Variants in CAMKMT observed in about 807,000 individuals in gnomAD.
CAMKMT encodes the protein calmodulin-lysine N-methyltransferase.
A neutral mutation model predicts 48.0 loss-of-function variants in CAMKMT; 53 were observed. The ratio of observed to expected loss-of-function variants is 1.10; its 90% CI spans 0.89 to 1.39. The LOEUF is 1.39. CAMKMT is among the 40% of genes most tolerant of loss of function. The pLI is 0.00. For missense variants in CAMKMT, 428 were observed against 402.7 expected, an observed-to-expected ratio of 1.06 and a Z score of -0.54; for synonymous variants, 165 against 152.3, an observed-to-expected ratio of 1.08 and a Z score of -0.61.
intron 3 of CAMKMT, among the ~76,000 whole-genome samples, chr2:44,567,052 G>C (rs1000129109): frequency 6.6e-5 from 10 of 152,114 alleles, no homozygotes; most frequent in African/African-American, 2.4e-4. Context: ...CAGTATTTCA[G>C]AAGCAAGTTC....
chr2:44,700,437 A>T (rs573768698), intron 3 of CAMKMT, among the ~76,000 whole-genome samples: 1 of 152,200 alleles, frequency 6.6e-6, no homozygotes, highest in Non-Finnish European at 1.5e-5. Context: ...TGCCTTCTCC[A>T]TAAGTGGAAT....
intron 3 of CAMKMT, among the ~76,000 whole-genome samples, chr2:44,492,443 T>C (rs1669554282): frequency 6.6e-6 from 1 of 152,160 alleles, no homozygotes; most frequent in African/African-American, 2.4e-5. Context: ...TCTCAAATAC[T>C]CTTATTTCCA....
chr2:44,440,705 A>C (rs1440507317), intron 3 of CAMKMT, among the ~76,000 whole-genome samples: 4 of 152,178 alleles, frequency 2.6e-5, no homozygotes, highest in Non-Finnish European at 1.5e-5. Context: ...TTTCTATCAG[A>C]AAGATGTATT....
At chr2:44,607,723 G>A (rs1284086595) in intron 3 of CAMKMT, among the ~76,000 whole-genome samples, 2 of 152,086 alleles carry the variant, frequency 1.3e-5, no homozygotes, top group African/African-American at 4.8e-5. Flanking sequence ...CTTTTTAAAT[G>A]AAGTCTGTAT....
intron 3 of CAMKMT, among the ~76,000 whole-genome samples, chr2:44,493,658 T>C (rs1395252546): frequency 6.6e-6 from 1 of 152,236 alleles, no homozygotes; most frequent in African/African-American, 2.4e-5. Context: ...CTTTTTGAAG[T>C]GTGACTAAAC....
chr2:44,590,221 G>A (rs1670177489), intron 3 of CAMKMT, among the ~76,000 whole-genome samples: 1 of 152,076 alleles, frequency 6.6e-6, no homozygotes, highest in East Asian at 1.9e-4. Context: ...TTGGTCTGTA[G>A]TCTTCTCTTT....
chr2:44,632,913 T>C (rs1393291259), intron 3 of CAMKMT, among the ~76,000 whole-genome samples: 2 of 152,312 alleles, frequency 1.3e-5, no homozygotes, highest in African/African-American at 4.8e-5. Flanking sequence ...TCCTTGCTCC[T>C]CATCTTGCAG....
chr2:44,530,047 G>C (rs549357706), intron 3 of CAMKMT, among the ~76,000 whole-genome samples: 1 of 152,140 alleles, frequency 6.6e-6, no homozygotes, highest in Non-Finnish European at 1.5e-5. Context: ...TCATCAGTTA[G>C]AGAAATGGAT....
intron 3 of CAMKMT, among the ~76,000 whole-genome samples, chr2:44,592,936 T>C (rs1230605047): frequency 1.3e-5 from 2 of 152,222 alleles, no homozygotes; most frequent in African/African-American, 4.8e-5. Flanking sequence ...AGTTGGTTGG[T>C]AATGTTATTC....
At position 44,766,161 on chromosome 2, in the gene CAMKMT, C is replaced by G. The variant is rs370839388; in HGVS notation, c.763-269C>G. On this transcript the variant is annotated intron_variant, in intron 9 of 10. Transcript: ENST00000378494. ...AGACAATGCATATTGTTCGGAACACCGGCTTTCAACCACATTTTGTTTTTT... is the reference window on the plus strand; with the variant it reads ...AGACAATGCATATTGTTCGGAACACGGGCTTTCAACCACATTTTGTTTTTT... Among the ~76,000 whole-genome samples, 8 of 152,268 alleles carry G rather than the reference C, an allele frequency of 5.3e-5. No individual in the cohort carries two copies. The East Asian group carries it at 1.5e-3, about 29-fold the overall frequency.
At chr2:44,696,804 G>C (rs1229967513) in intron 3 of CAMKMT, among the ~76,000 whole-genome samples, 2 of 151,646 alleles carry the variant, frequency 1.3e-5, no homozygotes, top group Admixed American at 6.6e-5. Flanking sequence ...ACTTTATAAA[G>C]ATGAGAAAAC....
At chr2:44,771,769 G>A (rs1459511724) in intron 10 of CAMKMT, among the ~76,000 whole-genome samples, 2 of 152,082 alleles carry the variant, frequency 1.3e-5, no homozygotes, top group African/African-American at 4.8e-5. Context: ...TCTGTCAAGT[G>A]CCTCACAGTT....
chr2:44,393,389 G>T (rs550902540), intron 3 of CAMKMT: 1 of 152,292 alleles, frequency 6.6e-6, no homozygotes, highest in South Asian at 2.1e-4. Context: ...AAATTAAGAG[G>T]AATCTCGTAC....
At chr2:44,382,719 T>C (rs972214716) in intron 2 of CAMKMT, among the ~76,000 whole-genome samples, 1 of 152,122 alleles carries the variant, frequency 6.6e-6, no homozygotes, top group Non-Finnish European at 1.5e-5. Context: ...GACCTGGTGA[T>C]CCACCCGCCT....
chr2:44,665,336 G>T (rs1279810592), intron 3 of CAMKMT, among the ~76,000 whole-genome samples: 1 of 152,168 alleles, frequency 6.6e-6, no homozygotes, highest in African/African-American at 2.4e-5. Context: ...CTCCCAAAGT[G>T]CTGGGATTAC....
At chr2:44,736,783 T>C (rs1044937977) in intron 7 of CAMKMT, among the ~76,000 whole-genome samples, 2 of 152,212 alleles carry the variant, frequency 1.3e-5, no homozygotes, top group Non-Finnish European at 2.9e-5. Context: ...TCTAATCTGC[T>C]GTTAATCTTA....
chr2:44,707,368 ATTGT>A (rs747137262), intron 5 of CAMKMT, 27 bp from the exon 6 acceptor site: 41 of 1,606,360 alleles, frequency 2.6e-5, no homozygotes, highest in Non-Finnish European at 3.4e-5. Context: ...ATATTTGCTC[ATTGT>A]TTGCTGTGCT....
At chr2:44,593,712 C>G (rs760483087) in intron 3 of CAMKMT, among the ~76,000 whole-genome samples, 1 of 149,546 alleles carries the variant, frequency 6.7e-6, no homozygotes, top group Non-Finnish European at 1.5e-5. Context: ...GTTGCTCCAA[C>G]TTGAATAAAA....
At chr2:44,593,780 T>TTTTTTGG (rs1670466407) in intron 3 of CAMKMT, among the ~76,000 whole-genome samples, 5 of 149,962 alleles carry the variant, frequency 3.3e-5, no homozygotes, top group African/African-American at 4.9e-5. Context: ...TTTTTTTTTT[T>TTTTTTGG]GAGGCGGAAT....
Sources: allele counts gnomAD v4.1 joint callset (sites outside exome capture counted in the v4.1 genomes callset), GRCh38; gene constraint gnomAD v4.1.1; transcripts MANE v1.5; gene names NCBI Gene and HGNC (gene_info 2026-07-23, HGNC 2026-07-21).